SLC7A2: variants seen among roughly 807,000 people sequenced by gnomAD.
The protein encoded by SLC7A2 is solute carrier family 7 member 2.
In SLC7A2, 48 loss-of-function variants were observed where a neutral mutation model predicts 58.9. That is an observed-to-expected ratio of 0.82 (90% confidence interval 0.65 to 1.04). The LOEUF is 1.04. Among genes scored for constraint, SLC7A2 ranks in the 50% least tolerant of loss-of-function variants. SLC7A2 has a pLI of 0.00. For synonymous variants in SLC7A2, 363 were observed against 314.5 expected, an observed-to-expected ratio of 1.15 and a Z score of -1.63; for missense variants, 1,029 against 818.8, an observed-to-expected ratio of 1.26 and a Z score of -3.13.
At chr8:17,546,876 C>A (rs1021584053) in intron 4 of SLC7A2, among the ~76,000 whole-genome samples, 2 of 151,894 alleles carry the variant, frequency 1.3e-5, no homozygotes, top group Non-Finnish European at 2.9e-5. Flanking sequence ...AATCTTATAC[C>A]AGATGGGTTA....
At chr8:17,517,796 A>G (rs1272912746) in intron 2 of SLC7A2, among the ~76,000 whole-genome samples, 1 of 152,006 alleles carries the variant, frequency 6.6e-6, no homozygotes, top group East Asian at 1.9e-4. Flanking sequence ...TGACCTTCAA[A>G]TTTTCTTTCA....
At chr8:17,544,719 C>T in intron 4 of SLC7A2, 113 bp downstream of exon 4, 1 of 834,102 alleles carries the variant, frequency 1.2e-6, no homozygotes, top group South Asian at 1.9e-5. Context: ...AGTATATTTA[C>T]ACATTTATGT....
Position 17,568,500 on chromosome 8 carries a change from C to T in SLC7A2, c.*3354C>T, listed in dbSNP as rs566607184. 13 of 151,902 alleles carry T rather than the reference C, an allele frequency of 8.6e-5. No individual in the cohort carries two copies. The highest frequency in any genetic ancestry group is 2.1e-4 in the South Asian group (1 of 4,816). The allele number at this position is 151,902 out of a possible 1,614,324, so 9.4% of individuals were successfully genotyped here. A position where few individuals can be genotyped will look rare whatever the true frequency, so the allele number is the denominator to read the frequency against. On this transcript the variant is annotated 3_prime_UTR_variant, in exon 13 of 13. Transcript: ENST00000494857. ...TATATAGAACTTTACCATCACCAGC[C>T]GTAGTTGATAGAAAATATTAGTTTC... is the stretch of plus-strand genomic sequence containing the variant.
chr8:17,520,134 G>C (rs1010196123), intron 2 of SLC7A2, among the ~76,000 whole-genome samples: 2 of 152,140 alleles, frequency 1.3e-5, no homozygotes, highest in Admixed American at 1.3e-4. Flanking sequence ...AGTGATAAAA[G>C]CATCTTAAAT....
At chr8:17,519,978 A>G (rs1032294016) in intron 2 of SLC7A2, among the ~76,000 whole-genome samples, 3 of 152,198 alleles carry the variant, frequency 2.0e-5, no homozygotes, top group Non-Finnish European at 2.9e-5. Flanking sequence ...TTATTCCCCA[A>G]CAATGACTTG....
intron 2 of SLC7A2, among the ~76,000 whole-genome samples, chr8:17,518,597 A>G (rs1025339263): frequency 1.4e-5 from 2 of 144,734 alleles, no homozygotes; most frequent in African/African-American, 5.0e-5. Context: ...GGTGCAAACT[A>G]ATCAGAAACT....
At chr8:17,496,114 G>A (rs1799951116), upstream of SLC7A2, among the ~76,000 whole-genome samples, 1 of 152,324 alleles carries the variant, frequency 6.6e-6, no homozygotes, top group Non-Finnish European at 1.5e-5. Flanking sequence ...GCAAAGTAAA[G>A]TGGACCTTTC....
intron 2 of SLC7A2, among the ~76,000 whole-genome samples, chr8:17,533,080 A>G (rs989587378): frequency 6.6e-6 from 1 of 152,146 alleles, no homozygotes; most frequent in Non-Finnish European, 1.5e-5. Flanking sequence ...TAGAAATTTT[A>G]GAGGCTCTGA....
At chr8:17,546,697 A>G (rs538705441) in intron 4 of SLC7A2, among the ~76,000 whole-genome samples, 34 of 152,306 alleles carry the variant, frequency 2.2e-4, no homozygotes, top group Admixed American at 4.6e-4. Context: ...TAGGAATTAC[A>G]CAGGTAGAAA....
rs973688943 is a variant in SLC7A2 at position 17,569,789 on chromosome 8, G to A, written c.*4643G>A. ...TTAACTTTGATTCACCATGGTTGAT[G>A]CCACTGCCATGATCGCTGGGTCTTA... On this transcript the variant is annotated 3_prime_UTR_variant, in exon 13 of 13. Transcript: ENST00000494857. 6.6e-6 allele frequency: 1 copy of A among 152,118 alleles called. No homozygotes were observed. Among genetic ancestry groups the A allele is most frequent in the African/African-American group, 2.4e-5 (1 of 41,414 alleles). 9.4% of individuals were successfully genotyped at this position (152,118 alleles called of 1,614,324 possible). A position where few individuals can be genotyped will look rare whatever the true frequency, so the allele number is the denominator to read the frequency against.
chr8:17,537,661 G>A (rs1273991057), intron 2 of SLC7A2, among the ~76,000 whole-genome samples: 3 of 152,096 alleles, frequency 2.0e-5, no homozygotes, highest in African/African-American at 2.4e-5. Context: ...GTTTGCAAAG[G>A]CACATATAAG....
intron 2 of SLC7A2, chr8:17,510,694 C>T (rs1800568571): frequency 6.6e-6 from 1 of 152,142 alleles, no homozygotes; most frequent in African/African-American, 2.4e-5. Context: ...GTGGCCATTC[C>T]TCAAGGATCT....
chr8:17,545,544 C>T lies in SLC7A2; in HGVS notation c.532+938C>T, dbSNP rs553638516. Reference sequence around the variant, plus strand: ...TCCTGAGTAGCTGGGACTACAGGTGCGCGCCACCGCACCTGGCTGATTTTT... The same window carrying T: ...TCCTGAGTAGCTGGGACTACAGGTGTGCGCCACCGCACCTGGCTGATTTTT... On this transcript the variant is annotated intron_variant, in intron 4 of 12. Transcript: ENST00000494857. Among the ~76,000 whole-genome samples the T allele has an allele frequency of 1.4e-3, 207 of 150,916 alleles. 3 individuals carry two copies. The highest frequency in any genetic ancestry group is 0.013 in the South Asian group (63 of 4,764).
intron 5 of SLC7A2, 143 bp downstream of exon 5, chr8:17,548,986 C>T: frequency 1.4e-6 from 1 of 726,650 alleles, no homozygotes; most frequent in Non-Finnish European, 2.2e-6. Flanking sequence ...AATGGACTCA[C>T]AGTTCCACAT....
chr8:17,557,425 C>T (rs1226243123), intron 8 of SLC7A2, among the ~76,000 whole-genome samples: 1 of 152,070 alleles, frequency 6.6e-6, no homozygotes, highest in Non-Finnish European at 1.5e-5. Flanking sequence ...TCTCTCAGAT[C>T]TAGTAAGTCT....
chr8:17,518,113 G>T (rs916365600), intron 2 of SLC7A2, among the ~76,000 whole-genome samples: 4 of 151,996 alleles, frequency 2.6e-5, no homozygotes, highest in Admixed American at 2.6e-4. Flanking sequence ...ATATATCAAA[G>T]TCTGGGGTAC....
chr8:17,552,203 G>C (rs1377345960), intron 7 of SLC7A2, among the ~76,000 whole-genome samples: 1 of 152,094 alleles, frequency 6.6e-6, no homozygotes, highest in Non-Finnish European at 1.5e-5. Flanking sequence ...AGATAGTGAT[G>C]GTCCAGGCTT....
chr8:17,524,032 G>A (rs1801122888), intron 2 of SLC7A2, among the ~76,000 whole-genome samples: 1 of 152,160 alleles, frequency 6.6e-6, no homozygotes, highest in Non-Finnish European at 1.5e-5. Flanking sequence ...TCAGGGAAAT[G>A]CAAATCAAAA....
chr8:17,547,237 G>A (rs1359749431), intron 4 of SLC7A2, among the ~76,000 whole-genome samples: 3 of 151,996 alleles, frequency 2.0e-5, no homozygotes, highest in Admixed American at 2.0e-4. Context: ...ACCGAGTAGG[G>A]AAAGAACGTC....
Sources: gnomAD v4.1 joint callset for allele counts (sites outside exome capture counted in the v4.1 genomes callset) on GRCh38, gnomAD v4.1.1 for gene constraint, MANE v1.5 for transcripts, NCBI Gene and HGNC (gene_info 2026-07-23, HGNC 2026-07-21) for gene names.